Variants in SORCS2 observed in about 807,000 individuals in gnomAD.
The protein encoded by SORCS2 is sortilin related VPS10 domain containing receptor 2, also known as VPS10 domain-containing receptor SorCS2.
Under a neutral mutation model 141.6 loss-of-function variants are expected in SORCS2, and 100 were observed. The ratio of observed to expected loss-of-function variants is 0.71; its 90% confidence interval spans 0.60 to 0.83. The LOEUF is 0.83. SORCS2 is among the 40% of genes least tolerant of loss of function. SORCS2 has a pLI of 0.00. For missense variants in SORCS2, 1,646 were observed against 1,560.2 expected, an observed-to-expected ratio of 1.05 and a Z score of -0.93; for synonymous variants, 789 against 676.9, an observed-to-expected ratio of 1.17 and a Z score of -2.57.
At chr4:7,382,594 C>G (rs1723056141) in intron 1 of SORCS2, among the ~76,000 whole-genome samples, 1 of 152,182 alleles carries the variant, frequency 6.6e-6, no homozygotes, top group Non-Finnish European at 1.5e-5. Context: ...GCTGACATGC[C>G]TGTATGTTTA....
chr4:7,531,712 C>T (rs1413888471), intron 3 of SORCS2, 83 bp downstream of exon 3: 4 of 1,368,150 alleles, frequency 2.9e-6, no homozygotes, highest in East Asian at 2.4e-5. Context: ...TGCTGCCCTG[C>T]CCTGCTGTCT....
chr4:7,661,156 G>A (rs1220547942), intron 5 of SORCS2, among the ~76,000 whole-genome samples: 2 of 152,176 alleles, frequency 1.3e-5, no homozygotes, highest in African/African-American at 2.4e-5. Context: ...AAAGCAACGT[G>A]AAAGTCTTTT....
At chr4:7,268,289 C>T (rs959223060) in intron 1 of SORCS2, among the ~76,000 whole-genome samples, 2 of 152,142 alleles carry the variant, frequency 1.3e-5, no homozygotes, top group African/African-American at 4.8e-5. Context: ...CTAAAGGATG[C>T]TTCCTTGAGT....
chr4:7,730,879 A>T (rs1471664934), intron 23 of SORCS2, among the ~76,000 whole-genome samples: 1 of 152,244 alleles, frequency 6.6e-6, no homozygotes, highest in Non-Finnish European at 1.5e-5. Flanking sequence ...AGTAAATGTT[A>T]TTATCAGTTT....
At chr4:7,628,213 C>T (rs888936783) in intron 3 of SORCS2, among the ~76,000 whole-genome samples, 61 of 152,258 alleles carry the variant, frequency 4.0e-4, no homozygotes, top group Admixed American at 2.9e-3. Flanking sequence ...CAGAACAGAA[C>T]GCCACCTCCA....
intron 4 of SORCS2, among the ~76,000 whole-genome samples, chr4:7,639,413 AGTGT>A (rs201707420): frequency 2.6e-5 from 3 of 116,880 alleles, no homozygotes; most frequent in Non-Finnish European, 3.8e-5. Flanking sequence ...CTACTGCATA[AGTGT>A]GTGTGTGTAT....
intron 3 of SORCS2, among the ~76,000 whole-genome samples, chr4:7,626,464 A>G (rs1719520646): frequency 6.6e-6 from 1 of 152,176 alleles, no homozygotes; most frequent in South Asian, 2.1e-4. Flanking sequence ...AGAAAGAAAA[A>G]TGTACTATCG....
intron 3 of SORCS2, among the ~76,000 whole-genome samples, chr4:7,630,330 G>A (rs983980327): frequency 2.0e-5 from 3 of 152,218 alleles, no homozygotes; most frequent in Non-Finnish European, 1.5e-5. Flanking sequence ...GACCACCTGC[G>A]ATTTCTCCAA....
intron 3 of SORCS2, among the ~76,000 whole-genome samples, chr4:7,570,758 C>G (rs1292720334): frequency 6.6e-6 from 1 of 152,062 alleles, no homozygotes; most frequent in African/African-American, 2.4e-5. Flanking sequence ...CAGGAACCCC[C>G]AGTTCTCATC....
Position 7,252,354 on chromosome 4 carries a change from T to G in SORCS2, c.480+59228T>G, listed in dbSNP as rs996432925. Among the ~76,000 whole-genome samples, 333 of 151,642 alleles carry G rather than the reference T, an allele frequency of 2.2e-3. 4 individuals carry two copies. The highest frequency in any genetic ancestry group is 7.8e-3 in the African/African-American group (321 of 41,318). On this transcript the variant is annotated intron_variant, in intron 1 of 26. Transcript: ENST00000507866. ...CAGGTGTGGGCAGGATGGGCCCGGG[T>G]GGGGCAGGGCAGAGCTCAGGGGCCG...
chr4:7,566,757 C>T (rs1323376215), intron 3 of SORCS2, among the ~76,000 whole-genome samples: 1 of 152,182 alleles, frequency 6.6e-6, no homozygotes, highest in Non-Finnish European at 1.5e-5. Flanking sequence ...GCCTGGCTTA[C>T]CTTAGTGGAT....
intron 3 of SORCS2, among the ~76,000 whole-genome samples, chr4:7,567,545 A>G (rs1480584343): frequency 1.3e-5 from 2 of 152,136 alleles, no homozygotes; most frequent in African/African-American, 2.4e-5. Context: ...TGCTGTCCCC[A>G]TCGCATCACA....
intron 2 of SORCS2, among the ~76,000 whole-genome samples, chr4:7,436,132 G>A (rs1358153492): frequency 1.3e-5 from 2 of 152,250 alleles, no homozygotes; most frequent in East Asian, 3.8e-4. Context: ...CAAGGACTCT[G>A]GTTGCTGGGG....
intron 1 of SORCS2, among the ~76,000 whole-genome samples, chr4:7,242,535 C>T (rs181781885): frequency 3.3e-5 from 5 of 151,430 alleles, no homozygotes; most frequent in East Asian, 1.9e-4. Flanking sequence ...TAGCTCACTG[C>T]GTCATCCCCA....
chr4:7,692,285 T>G (rs1221967794), intron 11 of SORCS2, among the ~76,000 whole-genome samples: 1 of 152,140 alleles, frequency 6.6e-6, no homozygotes, highest in South Asian at 2.1e-4. Context: ...GCTACCTGTT[T>G]CCACAGGGTC....
intron 2 of SORCS2, among the ~76,000 whole-genome samples, chr4:7,492,282 T>C (rs1366544556): frequency 9.2e-5 from 14 of 152,260 alleles, no homozygotes; most frequent in Admixed American, 9.2e-4. Flanking sequence ...TCTGCTTCTA[T>C]GGATTCTGCT....
At chr4:7,199,626 G>T (rs1301734789) in intron 1 of SORCS2, among the ~76,000 whole-genome samples, 2 of 151,794 alleles carry the variant, frequency 1.3e-5, no homozygotes, top group Admixed American at 1.3e-4. Flanking sequence ...GGGTGGGGCG[G>T]GCCGCTCTGG....
chr4:7,507,753 G>GA (rs35205095), intron 2 of SORCS2, among the ~76,000 whole-genome samples: 83,994 of 151,440 alleles, frequency 0.55, 25,299 homozygotes, highest in East Asian at 0.99. Context: ...CCAATGGGGG[G>GA]AAAAGTTAAG....
At chr4:7,445,983 C>T (rs537918464) in intron 2 of SORCS2, among the ~76,000 whole-genome samples, 1 of 146,538 alleles carries the variant, frequency 6.8e-6, no homozygotes, top group South Asian at 2.3e-4. Flanking sequence ...TGCCTCGAAG[C>T]TGCTTTCTTT....
Sources: gnomAD v4.1 joint callset for allele counts (sites outside exome capture counted in the v4.1 genomes callset) on GRCh38, gnomAD v4.1.1 for gene constraint, MANE v1.5 for transcripts, NCBI Gene and HGNC (gene_info 2026-07-23, HGNC 2026-07-21) for gene names.